ELOVL1: variants seen among roughly 807,000 people sequenced by gnomAD.
ELOVL1 encodes the protein ELOVL fatty acid elongase 1, also known as very long chain fatty acid elongase 1.
Under a neutral mutation model 37.8 loss-of-function variants are expected in ELOVL1, and 10 were observed. That is an observed-to-expected ratio of 0.26 (90% CI 0.16 to 0.45). ELOVL1 has a LOEUF of 0.45. Among genes scored for constraint, ELOVL1 ranks in the 20% least tolerant of loss-of-function variants. The pLI, the probability that ELOVL1 is intolerant of heterozygous loss-of-function variation, is 1.00. For missense variants in ELOVL1, 256 were observed against 352.7 expected (o/e 0.73, Z 2.20); for synonymous variants, 133 against 123.8 (o/e 1.07, Z -0.49).
At chr1:43,365,461 T>G in intron 2 of ELOVL1, 85 bp from the exon 3 acceptor site, 2 of 1,609,924 alleles carry the variant, frequency 1.2e-6, no homozygotes, top group Non-Finnish European at 1.7e-6. Context: ...TGAGGTCAGG[T>G]CACAGGATCA....
rs772281315 is a variant in ELOVL1 at position 43,364,525 on chromosome 1, T to C, written c.481+17A>G. ...CTCTGGTGCCCACCCTTTCCCATAG[T>C]GGCCTTCACCACTCACCCGGGGCAA... is the stretch of plus-strand genomic sequence containing the variant. On this transcript the variant is annotated intron_variant, in intron 6 of 7. Coordinates refer to ENST00000372458, the MANE Select transcript of ELOVL1 (RefSeq NM_022821.4). The surrounding 1 kb of genome is among the most constrained non-coding windows in gnomAD (Gnocchi z 5.2). 1.0e-4 allele frequency: 165 copies of C among 1,613,916 alleles called. No individual in the cohort carries two copies. Among genetic ancestry groups the C allele is most frequent in the Non-Finnish European group, 1.3e-4 (159 of 1,179,988 alleles).
intron 2 of ELOVL1, 94 bp from the exon 3 acceptor site, chr1:43,365,470 C>A (rs1303140644): frequency 1.2e-6 from 2 of 1,611,076 alleles, no homozygotes; most frequent in Non-Finnish European, 1.7e-6. Flanking sequence ...GTCACAGGAT[C>A]AAGGGTTTCA....
Position 43,364,966 on chromosome 1 carries a change from C to CA in ELOVL1, c.279dup (p.Asp94Ter). ...GGGCTGTTGGAATAGTCCACAGGGT[C>CA]ACAGCGCCAGGTATAGGTGCTCAGC... On this transcript the variant is annotated frameshift_variant, in exon 4 of 8. Transcript: ENST00000372458. LOFTEE classifies it high-confidence loss of function. The surrounding 1 kb of genome is among the most constrained non-coding windows in gnomAD (Gnocchi z 5.2). 1 of 1,613,948 alleles carries CA rather than the reference C, an allele frequency of 6.2e-7. No individual in the cohort carries two copies. Among genetic ancestry groups the CA allele is most frequent in the South Asian group, 1.1e-5 (1 of 91,006 alleles).
rs953945590 is a variant in ELOVL1, at chr1:43,363,943, T to C, written c.813A>G (p.Pro271=). The C allele has an allele frequency of 1.2e-6, 2 of 1,613,738 alleles. No homozygotes were observed. Among genetic ancestry groups the C allele is most frequent in the Admixed American group, 3.3e-5 (2 of 60,024 alleles). The change falls in exon 8 of 8, where the codon CCA becomes CCG. Residue 271 remains proline (P), a synonymous_variant. Coordinates refer to ENST00000372458, the MANE Select transcript of ELOVL1 (RefSeq NM_022821.4). ...AGTTGGCCTTGACCTTGGCAATACC[T>C]GGAGCTCCATTTTGCTGAAGTGCAC... is the stretch of plus-strand genomic sequence containing the variant. ...LPRALQQNGA[P]GIAKVKAN
In ELOVL1 at chr1:43,365,005, G is replaced by A. The variant is rs1647207161; in HGVS notation, c.241C>T (p.Leu81=). The A allele has an allele frequency of 6.2e-7, 1 of 1,613,068 alleles. No individual in the cohort carries two copies. Among genetic ancestry groups the A allele is most frequent in the Non-Finnish European group, 8.5e-7 (1 of 1,179,640 alleles). ...ALSLYIVYEF[L]MSGWLSTYTW... ...TAGGTGCTCAGCCAGCCCGACATCA[G>A]GAACTGGGAAGGGATGTGGATTAGA... Residue 81 remains leucine, a synonymous_variant, in exon 4 of 8, where the codon CTG becomes TTG. Transcript: ENST00000372458.
chr1:43,364,880 G>A lies in ELOVL1; in HGVS notation c.318+48C>T, dbSNP rs1398245950. On this transcript the variant is annotated intron_variant, in intron 4 of 7. Transcript: ENST00000372458. This position sits in a 1 kb window ranked among gnomAD's most constrained non-coding sequence, Gnocchi z 5.2. ...GGGCCTTGAGCACAGGCCCCAAACTGGTCATATCTACCAGGTTGCTTATGA... is the reference window on the plus strand; with the variant it reads ...GGGCCTTGAGCACAGGCCCCAAACTAGTCATATCTACCAGGTTGCTTATGA... The A allele has an allele frequency of 6.2e-7, 1 of 1,613,826 alleles. No homozygotes were observed. The highest frequency in any genetic ancestry group is 1.7e-5 in the Admixed American group (1 of 60,004).
intron 1 of ELOVL1, chr1:43,366,493 C>A: frequency 6.4e-6 from 1 of 157,428 alleles, no homozygotes; most frequent in Non-Finnish European, 1.4e-5. Context: ...ATTGGGAAAG[C>A]CAAGTAAAGC....
intron 1 of ELOVL1, 91 bp downstream of exon 1, chr1:43,367,824 G>T (rs1292255308): frequency 2.0e-5 from 3 of 152,820 alleles, no homozygotes; most frequent in African/African-American, 4.8e-5. Context: ...CACAGCCTGG[G>T]CAGGGCAGGG....
chr1:43,364,209 GA>G lies in ELOVL1; in HGVS notation c.619-73del, dbSNP rs1378492693. 1 of 1,609,534 alleles carries G rather than the reference GA, an allele frequency of 6.2e-7. No homozygotes were observed. The highest frequency in any genetic ancestry group is 1.3e-5 in the African/African-American group (1 of 74,766). On this transcript the variant is annotated intron_variant, in intron 7 of 7. Coordinates refer to ENST00000372458, the MANE Select transcript of ELOVL1 (RefSeq NM_022821.4). The surrounding 1 kb of genome is among the most constrained non-coding windows in gnomAD (Gnocchi z 5.2). ...GAGGGGAAGAGGGGGTAGAGAAAGA[GA>G]CAAACGTTGAGTAGGGAGAGATGGG... is the stretch of plus-strand genomic sequence containing the variant.
chr1:43,364,303 A>C lies in ELOVL1; in HGVS notation c.618+21T>G. ...GGAATGTGGGGGGATGGTTATAGGT[A>C]AGTCAGGCCAAGCCCCTCACCAGCT... is the stretch of plus-strand genomic sequence containing the variant. On this transcript the variant is annotated intron_variant, in intron 7 of 7. Coordinates refer to ENST00000372458, the MANE Select transcript of ELOVL1 (RefSeq NM_022821.4). This position sits in a 1 kb window ranked among gnomAD's most constrained non-coding sequence, Gnocchi z 5.2. 1 of 1,613,970 alleles carries C rather than the reference A, an allele frequency of 6.2e-7. No homozygotes were observed. Among genetic ancestry groups the C allele is most frequent in the South Asian group, 1.1e-5 (1 of 91,082 alleles).
rs1489131857 is a variant in ELOVL1 at position 43,364,776 on chromosome 1, G to C, written c.337C>G (p.Leu113Val). The C allele has an allele frequency of 6.2e-7, 1 of 1,614,140 alleles. No homozygotes were observed. The highest frequency in any genetic ancestry group is 1.3e-5 in the African/African-American group (1 of 75,020). The stretch of plus-strand genomic sequence containing the variant: ...TCAATGAACTTGGAGAAGAGGAAGA[G>C]CCAGGCCACCCGAACCATCTGCAAG... ...EALRMVRVAWLFLFSKFIELM... is the reference protein window; with the variant it reads ...EALRMVRVAWVFLFSKFIELM... The change falls in exon 5 of 8, where the codon CTC (leucine) becomes GTC (valine). Residue 113 changes from leucine to valine, a missense_variant. Physicochemically the swap from Leu to Val is conservative, Grantham distance 32. Transcript: ENST00000372458. This position sits in a 1 kb window ranked among gnomAD's most constrained non-coding sequence, Gnocchi z 5.2.
At position 43,364,330 on chromosome 1, in the gene ELOVL1, A is replaced by C; in HGVS notation, c.612T>G (p.Ile204Met). The C allele has an allele frequency of 6.2e-7, 1 of 1,614,142 alleles. No homozygotes were observed. The highest frequency in any genetic ancestry group is 8.5e-7 in the Non-Finnish European group (1 of 1,180,032). ...YLWWKKHMTA[I>M]QLIQFVLVSL... ...GTCAGGCCAAGCCCCTCACCAGCTG[A>C]ATGGCTGTCATGTGCTTTTTCCACC... The change falls in exon 7 of 8, where the codon ATT becomes ATG. Residue 204 changes from isoleucine to methionine, a missense_variant. Physicochemically the swap from Ile to Met is conservative, Grantham distance 10. Transcript: ENST00000372458. This position sits in a 1 kb window ranked among gnomAD's most constrained non-coding sequence, Gnocchi z 5.2.
chr1:43,366,125 C>G, intron 1 of ELOVL1: 1 of 187,700 alleles, frequency 5.3e-6, no homozygotes, highest in Non-Finnish European at 1.1e-5. Flanking sequence ...TCTCTTCTCC[C>G]CAGGGTCCCT....
chr1:43,365,296 G>A lies in ELOVL1; in HGVS notation c.127C>T (p.Leu43Phe). 3 of 1,614,094 alleles carry A rather than the reference G, an allele frequency of 1.9e-6. No homozygotes were observed. The highest frequency in any genetic ancestry group is 2.5e-6 in the Non-Finnish European group (3 of 1,180,012). The part of the protein sequence containing the change: ...SILLTYVYFV[L>F]SLGPRIMANR... ...GCCATGATGCGAGGCCCAAGTGAGAGAACGAAGTACACGTAGGTCAGGAGA... is the reference window on the plus strand; with the variant it reads ...GCCATGATGCGAGGCCCAAGTGAGAAAACGAAGTACACGTAGGTCAGGAGA... The change falls in exon 3 of 8, where the codon CTC becomes TTC. Residue 43 changes from leucine to phenylalanine, a missense_variant. Leu to Phe is a conservative substitution (Grantham distance 22). Around this residue, in one of 3 missense-constraint regions of ELOVL1, gnomAD observed 158 missense variants for 189.4 expected, o/e 0.83. Transcript: ENST00000372458.
At position 43,367,974 on chromosome 1, in the gene ELOVL1, C is replaced by T. The variant is rs12731821; in HGVS notation, c.-74G>A. The T allele has an allele frequency of 6.6e-6, 1 of 152,498 alleles. No individual in the cohort carries two copies. 9.4% of individuals were successfully genotyped at this position (152,498 alleles called of 1,614,324 possible). A position where few individuals can be genotyped will look rare whatever the true frequency, so the allele number is the denominator to read the frequency against. On this transcript the variant is annotated 5_prime_UTR_variant, in exon 1 of 8. Coordinates refer to ENST00000372458, the MANE Select transcript of ELOVL1 (RefSeq NM_022821.4). ...GGAGGGAGCAGGGCCAGAGAGAAGT[C>T]CCCGGGGCCAGCCTGCCTGCCTGCC...
At position 43,364,495 on chromosome 1, in the gene ELOVL1, C is replaced by T. The variant is rs1379944261; in HGVS notation, c.482-35G>A. The T allele has an allele frequency of 1.2e-6, 2 of 1,614,098 alleles. No individual in the cohort carries two copies. The highest frequency in any genetic ancestry group is 4.5e-5 in the East Asian group (2 of 44,882). ...GACAATAAGACAGGGTCAGCAGAGT[C>T]CAGCCTCTGGTGCCCACCCTTTCCC... is the stretch of plus-strand genomic sequence containing the variant. On this transcript the variant is annotated intron_variant, in intron 6 of 7. Coordinates refer to ENST00000372458, the MANE Select transcript of ELOVL1 (RefSeq NM_022821.4). The surrounding 1 kb of genome is among the most constrained non-coding windows in gnomAD (Gnocchi z 5.2).
intron 2 of ELOVL1, 28 bp from the exon 3 acceptor site, chr1:43,365,404 AAG>A (rs945916093): frequency 9.3e-6 from 15 of 1,609,894 alleles, no homozygotes; most frequent in Non-Finnish European, 1.2e-5. Context: ...AGGAATCAGG[AAG>A]AGTCACAGGG....
chr1:43,363,723 C>T lies in ELOVL1; in HGVS notation c.*193G>A, dbSNP rs980861351. ...CAATGAGGCCACATCCCTGGAGCTGCCCGGGGGAAGTGGGTGAGGAACCAA... is the reference window on the plus strand; with the variant it reads ...CAATGAGGCCACATCCCTGGAGCTGTCCGGGGGAAGTGGGTGAGGAACCAA... On this transcript the variant is annotated 3_prime_UTR_variant, in exon 8 of 8. Coordinates refer to ENST00000372458, the MANE Select transcript of ELOVL1 (RefSeq NM_022821.4). The T allele has an allele frequency of 4.8e-5, 29 of 599,580 alleles. No individual in the cohort carries two copies. Among genetic ancestry groups the T allele is most frequent in the Admixed American group, 8.9e-5 (3 of 33,804 alleles). 37.1% of individuals were successfully genotyped at this position (599,580 alleles called of 1,614,324 possible). A position where few individuals can be genotyped will look rare whatever the true frequency, so the allele number is the denominator to read the frequency against.
rs1041204095 is a variant in ELOVL1 at position 43,363,588 on chromosome 1, C to T, written c.*328G>A. 1.5e-5 allele frequency: 6 copies of T among 402,206 alleles called. No homozygotes were observed. The highest frequency in any genetic ancestry group is 6.1e-5 in the African/African-American group (3 of 49,428). 24.9% of individuals were successfully genotyped at this position (402,206 alleles called of 1,614,324 possible). On this transcript the variant is annotated 3_prime_UTR_variant, in exon 8 of 8. Coordinates refer to ENST00000372458, the MANE Select transcript of ELOVL1 (RefSeq NM_022821.4). ...CTCTTCTGTGTGAGGAAAAAGGCCA[C>T]GAGACCCTTTGTGGGGCCAGCCCTG...
Sources: allele counts gnomAD v4.1 joint callset, GRCh38; gene constraint gnomAD v4.1.1; regional missense constraint gnomAD v4.1.1; non-coding constraint Gnocchi (gnomAD v3.1); transcripts MANE v1.5; gene names NCBI Gene and HGNC (gene_info 2026-07-23, HGNC 2026-07-21).